The following NOC4L variants were observed in gnomAD, a reference collection of about 807,000 sequenced individuals.
NOC4L encodes nucleolar complex protein 4 homolog.
Under a neutral mutation model 62.8 loss-of-function variants are expected in NOC4L, and 40 were observed. The ratio of observed to expected loss-of-function variants is 0.64; its 90% CI spans 0.49 to 0.83. The LOEUF (loss-of-function observed/expected upper bound fraction) is 0.83, where lower values mean the gene tolerates loss of function less well. NOC4L is among the 40% of genes least tolerant of loss of function. NOC4L has a pLI of 0.00. For missense variants in NOC4L, 927 were observed against 701.9 expected, an observed-to-expected ratio of 1.32 and a Z score of -3.62; for synonymous variants, 433 against 299.8, an observed-to-expected ratio of 1.44 and a Z score of -4.59.
Position 132,146,273 on chromosome 12 carries a change from G to A in NOC4L, c.345+608G>A, listed in dbSNP as rs372813902. On this transcript the variant is annotated intron_variant, in intron 3 of 14. Transcript: ENST00000330579. Reference sequence around the variant, plus strand: ...CATAAGGGGGATCATACGGTATGTGGCTTCTTCCACTCATCGGCGTGTTCG... The same window carrying A: ...CATAAGGGGGATCATACGGTATGTGACTTCTTCCACTCATCGGCGTGTTCG... 1.7e-4 allele frequency: 78 copies of A among 456,056 alleles called. No individual in the cohort carries two copies. The East Asian group carries it at 5.4e-3, about 31-fold the overall frequency. The allele number at this position is 456,056 out of a possible 1,614,324, so 28.3% of individuals were successfully genotyped here.
chr12:132,147,886 C>G lies in NOC4L; in HGVS notation c.610C>G (p.Pro204Ala). 6.2e-7 allele frequency: 1 copy of G among 1,609,054 alleles called. No individual in the cohort carries two copies. Among genetic ancestry groups the G allele is most frequent in the Non-Finnish European group, 8.5e-7 (1 of 1,179,112 alleles). ...RVTGQHPEVP[P>A]AFWNNAFTLL... is the part of the protein sequence containing the mutation. ...CTCAGGCCAGGCTCCGCAGGTGCCCCCCGCCTTTTGGAACAATGCCTTCAC... is the reference window on the plus strand; with the variant it reads ...CTCAGGCCAGGCTCCGCAGGTGCCCGCCGCCTTTTGGAACAATGCCTTCAC... Residue 204 changes from proline (P) to alanine (A), a missense_variant, in exon 6 of 15, where the codon CCC becomes GCC. Pro to Ala is a conservative substitution (Grantham distance 27). Transcript: ENST00000330579.
At chr12:132,144,684 C>G in intron 1 of NOC4L, 79 bp downstream of exon 1, 1 of 1,453,554 alleles carries the variant, frequency 6.9e-7, no homozygotes, top group East Asian at 2.5e-5. Context: ...GGCAGGTCCC[C>G]AGGAGGTTCC....
At chr12:132,151,993 C>A in intron 13 of NOC4L, 91 bp from the exon 14 acceptor site, 1 of 1,351,634 alleles carries the variant, frequency 7.4e-7, no homozygotes, top group Non-Finnish European at 1.0e-6. Context: ...CCCGACCCCG[C>A]CCACTCTGGT....
In NOC4L at chr12:132,144,474, C is replaced by A. The variant is rs1384016748; in HGVS notation, c.-15C>A. The stretch of plus-strand genomic sequence containing the variant: ...CGGCGGCTGAGAATCCGCGTTGTTC[C>A]GTGTTGGGGGCGGCATGGAGCGGGA... On this transcript the variant is annotated 5_prime_UTR_variant, in exon 1 of 15. Transcript: ENST00000330579. The A allele has an allele frequency of 2.0e-6, 3 of 1,509,000 alleles. No homozygotes were observed. The highest frequency in any genetic ancestry group is 2.2e-5 in the Admixed American group (1 of 45,474). The allele number at this position is 1,509,000 out of a possible 1,614,324, so 93.5% of individuals were successfully genotyped here. A position where few individuals can be genotyped will look rare whatever the true frequency, so the allele number is the denominator to read the frequency against.
In NOC4L at chr12:132,145,719, G is replaced by C. The variant is rs1443738136; in HGVS notation, c.345+54G>C. On this transcript the variant is annotated intron_variant, in intron 3 of 14. Coordinates refer to ENST00000330579, the MANE Select transcript of NOC4L (RefSeq NM_024078.3). The stretch of plus-strand genomic sequence containing the variant: ...TCCATCCCCTGCACCCCAACTCCCA[G>C]GTTATCCACAAAGCAGAGGTCTGGG... 5 of 1,282,872 alleles carry C rather than the reference G, an allele frequency of 3.9e-6. No homozygotes were observed. In the Admixed American group the frequency reaches 9.1e-5, roughly 23 times the overall value. 79.5% of individuals were successfully genotyped at this position (1,282,872 alleles called of 1,614,324 possible).
Position 132,147,381 on chromosome 12 carries a change from T to C in NOC4L, c.446T>C (p.Leu149Pro), listed in dbSNP as rs1897764463. 1 of 1,588,684 alleles carries C rather than the reference T, an allele frequency of 6.3e-7. No homozygotes were observed. The highest frequency in any genetic ancestry group is 2.3e-5 in the East Asian group (1 of 43,740). ...WEGNYLFPRE[L>P]FKLVVGGLLS... ...GGCAACTACCTGTTCCCCCGAGAGC[T>C]CTTCAAGGTGAGGGCCTTGCTGGGG... Residue 149 changes from leucine to proline, a missense_variant, in exon 4 of 15, where the codon CTC (leucine) becomes CCC (proline). By Grantham distance (98) the Leu-to-Pro change is moderately conservative. Coordinates refer to ENST00000330579, the MANE Select transcript of NOC4L (RefSeq NM_024078.3).
Position 132,151,366 on chromosome 12 carries a change from C to G in NOC4L, c.1071C>G (p.Ser357=), listed in dbSNP as rs1369864472. ...FFHLADLFLS[S]SHLPAYLVAA... Reference sequence around the variant, plus strand: ...ACCTGGCTGACCTCTTCCTGTCCTCCTCGTGAGTACCAGGGCACCTGGCTC... The same window carrying G: ...ACCTGGCTGACCTCTTCCTGTCCTCGTCGTGAGTACCAGGGCACCTGGCTC... Residue 357 remains serine, a splice_region_variant and synonymous_variant, in exon 11 of 15, where the codon TCC becomes TCG. Coordinates refer to ENST00000330579, the MANE Select transcript of NOC4L (RefSeq NM_024078.3). 1 of 1,608,880 alleles carries G rather than the reference C, an allele frequency of 6.2e-7. No homozygotes were observed. Among genetic ancestry groups the G allele is most frequent in the African/African-American group, 1.3e-5 (1 of 74,942 alleles).
At chr12:132,145,728 C>A in intron 3 of NOC4L, 63 bp downstream of exon 3, 2 of 1,191,786 alleles carry the variant, frequency 1.7e-6, no homozygotes, top group South Asian at 1.3e-5. Context: ...AGGTTATCCA[C>A]AAAGCAGAGG....
At chr12:132,148,132 A>G (rs1295722317) in intron 7 of NOC4L, 26 bp downstream of exon 7, 2 of 1,611,840 alleles carry the variant, frequency 1.2e-6, no homozygotes, top group African/African-American at 2.7e-5. Flanking sequence ...AGAGCCGGGC[A>G]CCCTCCCGGG....
At chr12:132,147,821 C>T (rs751510422) in intron 5 of NOC4L, 39 bp downstream of exon 5, 47 of 1,610,906 alleles carry the variant, frequency 2.9e-5, no homozygotes, top group Admixed American at 5.0e-5. Flanking sequence ...CATGCTGTTG[C>T]CTCCCAGGGA....
At chr12:132,148,149 G>C in intron 7 of NOC4L, 43 bp downstream of exon 7, 1 of 1,605,204 alleles carries the variant, frequency 6.2e-7, no homozygotes. Context: ...CGGGTTTGGG[G>C]GTGTGTGTGG....
At chr12:132,149,890 A>G (rs1897878669) in intron 9 of NOC4L, among the ~76,000 whole-genome samples, 1 of 16,536 alleles carries the variant, frequency 6.0e-5, no homozygotes, top group Non-Finnish European at 1.3e-4. Context: ...CACTCCTACC[A>G]CACCCCTAAT....
intron 3 of NOC4L, among the ~76,000 whole-genome samples, chr12:132,146,615 A>G (rs554416447): frequency 6.6e-6 from 1 of 152,304 alleles, no homozygotes; most frequent in Non-Finnish European, 1.5e-5. Context: ...ATCCTCGCCA[A>G]CACGTCTGTC....
chr12:132,144,466 C>CGTT lies in NOC4L; in HGVS notation c.-19_-17dup, dbSNP rs758101024. The CGTT allele has an allele frequency of 2.7e-5, 40 of 1,502,460 alleles. 1 individual carries two copies. In the Middle Eastern group the frequency reaches 7.2e-4, roughly 27 times the overall value. The allele number at this position is 1,502,460 out of a possible 1,614,324, so 93.1% of individuals were successfully genotyped here. ...GGGAGCGCCGGCGGCTGAGAATCCG[C>CGTT]GTTGTTCCGTGTTGGGGGCGGCATG... On this transcript the variant is annotated 5_prime_UTR_variant, in exon 1 of 15. Transcript: ENST00000330579.
At chr12:132,148,285 G>A (rs1335248564) in intron 7 of NOC4L, among the ~76,000 whole-genome samples, 179 bp downstream of exon 7, 3 of 152,170 alleles carry the variant, frequency 2.0e-5, no homozygotes, top group Admixed American at 6.5e-5. Context: ...CTGTGAACTC[G>A]GGACCCTCCC....
rs1169825135 is a variant in NOC4L at position 132,145,602 on chromosome 12, C to T, written c.282C>T (p.His94=). Residue 94 remains histidine (H), a synonymous_variant, in exon 3 of 15, where the codon CAC becomes CAT. Transcript: ENST00000330579. ...GGAAGTACAAGGTGTGGATGAGACACCGCTATCACAGCTGCTGCAATCGCT... is the reference window on the plus strand; with the variant it reads ...GGAAGTACAAGGTGTGGATGAGACATCGCTATCACAGCTGCTGCAATCGCT... ...ATRKYKVWMR[H]RYHSCCNRLG... The T allele has an allele frequency of 6.2e-7, 1 of 1,613,436 alleles. No homozygotes were observed. Among genetic ancestry groups the T allele is most frequent in the African/African-American group, 1.3e-5 (1 of 74,934 alleles).
Position 132,144,596 on chromosome 12 carries a change from C to T in NOC4L, c.108C>T (p.Ala36=), listed in dbSNP as rs1047134593. The change falls in exon 1 of 15, where the codon GCC becomes GCT. Residue 36 remains alanine, a synonymous_variant. Coordinates refer to ENST00000330579, the MANE Select transcript of NOC4L (RefSeq NM_024078.3). ...CCAACGCCGTGTTCGACATCCTGGC[C>T]GTGCTGCAGGTGGGCCTGGCGGCGT... The part of the protein sequence containing the change: ...SEANAVFDIL[A]VLQSEDQEEI... 4.6e-6 allele frequency: 7 copies of T among 1,519,682 alleles called. No individual in the cohort carries two copies. Among genetic ancestry groups the T allele is most frequent in the Middle Eastern group, 2.3e-4 (1 of 4,322 alleles). 94.1% of individuals were successfully genotyped at this position (1,519,682 alleles called of 1,614,324 possible).
rs777289487 is a variant in NOC4L at position 132,148,092 on chromosome 12, G to A, written c.724G>A (p.Val242Ile). Residue 242 changes from valine (V) to isoleucine (I), a missense_variant, in exon 7 of 15, where the codon GTT (valine) becomes ATT (isoleucine). Val to Ile is a conservative substitution (Grantham distance 29). Coordinates refer to ENST00000330579, the MANE Select transcript of NOC4L (RefSeq NM_024078.3). ...TGCAGAGCTGTGGGACACCTGGAAG[G>A]TTGCTCACCTGAAGGTGAGTTGCTT... is the stretch of plus-strand genomic sequence containing the variant. ...KRAELWDTWK[V>I]AHLKEHRRVF... 1.2e-6 allele frequency: 2 copies of A among 1,613,506 alleles called. No homozygotes were observed. The highest frequency in any genetic ancestry group is 2.2e-5 in the South Asian group (2 of 91,086).
chr12:132,146,174 C>G (rs1593426738), intron 3 of NOC4L: 3 of 447,302 alleles, frequency 6.7e-6, no homozygotes, highest in Admixed American at 2.4e-5. Context: ...CTTTCCACCC[C>G]CAGCCCCAGG....
Sources: gnomAD v4.1 joint callset for allele counts (sites outside exome capture counted in the v4.1 genomes callset) on GRCh38, gnomAD v4.1.1 for gene constraint, MANE v1.5 for transcripts, NCBI Gene and HGNC (gene_info 2026-07-23, HGNC 2026-07-21) for gene names.